The following TBC1D5 variants were observed in gnomAD, a reference collection of about 807,000 sequenced individuals.
TBC1D5 encodes TBC1 domain family member 5.
Under a neutral mutation model 100.3 loss-of-function variants are expected in TBC1D5, and 75 were observed. The observed-to-expected ratio is 0.75, with a 90% CI of 0.62 to 0.91. The LOEUF is 0.91. Ranked by LOEUF, TBC1D5 falls within the 40% of genes least tolerant of loss-of-function variation. The pLI is 0.00. For synonymous variants in TBC1D5, 323 were observed against 325.6 expected, an observed-to-expected ratio of 0.99 and a Z score of 0.09; for missense variants, 910 against 942.4, an observed-to-expected ratio of 0.97 and a Z score of 0.45.
intron 8 of TBC1D5, 129 bp downstream of exon 8, chr3:17,403,052 G>C (rs2093685352): frequency 1.6e-6 from 1 of 637,490 alleles, no homozygotes; most frequent in Non-Finnish European, 2.5e-6. Flanking sequence ...GTCAAAACAA[G>C]TTTGTTATTA....
chr3:17,389,692 C>T (rs2093291983), intron 8 of TBC1D5, among the ~76,000 whole-genome samples: 1 of 152,138 alleles, frequency 6.6e-6, no homozygotes, highest in Non-Finnish European at 1.5e-5. Flanking sequence ...ATGAGCCATC[C>T]TACTGAGCCC....
Position 17,405,226 on chromosome 3 carries a change from T to TA in TBC1D5, c.277-266dup, listed in dbSNP as rs982034011. 2.6e-5 allele frequency among the ~76,000 whole-genome samples: 4 copies of TA among 152,164 alleles called. No homozygotes were observed. The South Asian group carries it at 6.2e-4, about 24-fold the overall frequency. The stretch of plus-strand genomic sequence containing the variant: ...ATCAAGCTCCCCTTCAGATTTACAT[T>TA]AAAAAGGAAGAAAAATTCATTGAGG... On this transcript the variant is annotated intron_variant, in intron 5 of 21. Transcript: ENST00000253692.
At chr3:17,421,745 A>C (rs1285923391) in intron 4 of TBC1D5, among the ~76,000 whole-genome samples, 1 of 152,232 alleles carries the variant, frequency 6.6e-6, no homozygotes, top group Non-Finnish European at 1.5e-5. Flanking sequence ...GTAATTAAGA[A>C]TCAGAGAGGT....
At chr3:17,211,727 GCTA>G (rs965037840) in intron 18 of TBC1D5, among the ~76,000 whole-genome samples, 1 of 152,122 alleles carries the variant, frequency 6.6e-6, no homozygotes, top group Non-Finnish European at 1.5e-5. Context: ...TATTTTTATT[GCTA>G]CTGTTTTTTC....
intron 2 of TBC1D5, among the ~76,000 whole-genome samples, chr3:17,578,240 T>C (rs746388541): frequency 6.6e-6 from 1 of 152,050 alleles, no homozygotes; most frequent in Non-Finnish European, 1.5e-5. Flanking sequence ...GCTAAGATCA[T>C]GGGGATTAAT....
chr3:17,254,350 T>C (rs933637934), intron 16 of TBC1D5, among the ~76,000 whole-genome samples: 4 of 152,248 alleles, frequency 2.6e-5, no homozygotes, highest in African/African-American at 9.6e-5. Flanking sequence ...AGGGTTCTAA[T>C]TGCTCCACAT....
chr3:17,482,005 T>C (rs964745733), intron 3 of TBC1D5, among the ~76,000 whole-genome samples: 1 of 152,168 alleles, frequency 6.6e-6, no homozygotes, highest in Non-Finnish European at 1.5e-5. Flanking sequence ...CTTCCCAAAG[T>C]GCTGGGATTA....
intron 1 of TBC1D5, among the ~76,000 whole-genome samples, chr3:17,670,520 G>A (rs750732300): frequency 6.6e-6 from 1 of 152,124 alleles, no homozygotes; most frequent in African/African-American, 2.4e-5. Flanking sequence ...TACCTTTTAG[G>A]ATAGTAGTTA....
chr3:17,705,094 G>A (rs1208918488), intron 1 of TBC1D5, among the ~76,000 whole-genome samples: 1 of 122,908 alleles, frequency 8.1e-6, no homozygotes, highest in South Asian at 2.8e-4. Flanking sequence ...CTGGCCAGGC[G>A]GGGGGCTGAC....
At chr3:17,394,293 G>A (rs974817423) in intron 8 of TBC1D5, among the ~76,000 whole-genome samples, 10 of 152,062 alleles carry the variant, frequency 6.6e-5, no homozygotes, top group Non-Finnish European at 4.4e-5. Flanking sequence ...CACACTGAAG[G>A]TATTTAATAA....
At chr3:17,533,924 T>C (rs1200874835) in intron 2 of TBC1D5, among the ~76,000 whole-genome samples, 2 of 139,224 alleles carry the variant, frequency 1.4e-5, no homozygotes, top group Non-Finnish European at 3.0e-5. Context: ...TCATTTCATA[T>C]TGAACCTTCA....
At chr3:17,489,378 A>AT (rs1452302956) in intron 3 of TBC1D5, among the ~76,000 whole-genome samples, 1 of 152,146 alleles carries the variant, frequency 6.6e-6, no homozygotes, top group African/African-American at 2.4e-5. Context: ...GCAGTGAGGG[A>AT]TTGTTCCATA....
chr3:17,477,810 C>G (rs1053629508), intron 3 of TBC1D5, among the ~76,000 whole-genome samples: 15 of 151,936 alleles, frequency 9.9e-5, no homozygotes, highest in Non-Finnish European at 2.1e-4. Context: ...ACATTGCTTT[C>G]TAGGTTATAT....
chr3:17,508,478 A>G (rs1357980586), exon 3 of TBC1D5: 8 of 1,612,806 alleles, frequency 5.0e-6, no homozygotes, highest in Non-Finnish European at 6.8e-6. Flanking sequence ...ACTCACCTCC[A>G]GACTTGTTAG....
At chr3:17,497,132 ACACACC>A (rs2095720311) in intron 3 of TBC1D5, among the ~76,000 whole-genome samples, 1 of 122,142 alleles carries the variant, frequency 8.2e-6, no homozygotes, top group Admixed American at 7.7e-5. Context: ...ACACACACAC[ACACACC>A]ATCCTTGTAT....
At chr3:17,274,642 T>C (rs2079790168) in intron 15 of TBC1D5, among the ~76,000 whole-genome samples, 1 of 152,204 alleles carries the variant, frequency 6.6e-6, no homozygotes, top group Non-Finnish European at 1.5e-5. Flanking sequence ...TCTACAAATT[T>C]TCCCACCTGG....
chr3:17,341,418 G>A (rs938202800), intron 13 of TBC1D5, among the ~76,000 whole-genome samples: 16 of 152,048 alleles, frequency 1.1e-4, no homozygotes, highest in Non-Finnish European at 8.8e-5. Flanking sequence ...GGATGGTCTC[G>A]ATCTCCTGAC....
chr3:17,421,228 A>C (rs556845503), intron 4 of TBC1D5, among the ~76,000 whole-genome samples: 1 of 152,302 alleles, frequency 6.6e-6, no homozygotes, highest in East Asian at 1.9e-4. Flanking sequence ...ATTTTTCTTT[A>C]CTCAAAAGAG....
At chr3:17,603,727 G>A (rs1262355849) in intron 2 of TBC1D5, among the ~76,000 whole-genome samples, 1 of 151,960 alleles carries the variant, frequency 6.6e-6, no homozygotes, top group Admixed American at 6.6e-5. Flanking sequence ...GTGCAGTGGC[G>A]CAATCTCGGG....
Sources: gnomAD v4.1 joint callset for allele counts (sites outside exome capture counted in the v4.1 genomes callset) on GRCh38, gnomAD v4.1.1 for gene constraint, MANE v1.5 for transcripts, NCBI Gene and HGNC (gene_info 2026-07-23, HGNC 2026-07-21) for gene names.